The following CIB4 variants were observed in gnomAD, a reference collection of about 807,000 sequenced individuals.
The protein encoded by CIB4 is calcium and integrin-binding family member 4.
A neutral mutation model predicts 25.8 loss-of-function variants in CIB4; 25 were observed. The ratio of observed to expected loss-of-function variants is 0.97; its 90% confidence interval spans 0.71 to 1.35. CIB4 has a LOEUF of 1.35. CIB4 is among the 40% of genes most tolerant of loss of function. CIB4 has a pLI of 0.00. For synonymous variants in CIB4, 75 were observed against 81.4 expected (o/e 0.92, Z 0.42); for missense variants, 235 against 228.2 (o/e 1.03, Z -0.19).
At chr2:26,632,509 C>T (rs893158151) in intron 2 of CIB4, among the ~76,000 whole-genome samples, 2 of 152,094 alleles carry the variant, frequency 1.3e-5, no homozygotes, top group African/African-American at 4.8e-5. Flanking sequence ...GTAATCCCAG[C>T]ACTATGGGAG....
chr2:26,582,595 C>T lies in CIB4; in HGVS notation c.527+230G>A, dbSNP rs114757839. Among the ~76,000 whole-genome samples, 82 of 152,330 alleles carry T rather than the reference C, an allele frequency of 5.4e-4. 1 individual carries two copies. Among genetic ancestry groups the T allele is most frequent in the African/African-American group, 1.9e-3 (78 of 41,578 alleles). On this transcript the variant is annotated intron_variant, in intron 6 of 6. Coordinates refer to ENST00000288861, the MANE Select transcript of CIB4 (RefSeq NM_001029881.3). ...TGCTCTGAGGTTGGAGCTGTGACGT[C>T]ATTCCCAAAGCCTGGGATCCAGTCC...
chr2:26,631,597 C>T (rs1207793722), intron 2 of CIB4, among the ~76,000 whole-genome samples: 2 of 152,226 alleles, frequency 1.3e-5, no homozygotes, highest in Admixed American at 6.5e-5. Context: ...GCCTCGCACC[C>T]TGCCAGCCAC....
At chr2:26,604,577 A>G (rs890719880) in intron 3 of CIB4, among the ~76,000 whole-genome samples, 4 of 152,126 alleles carry the variant, frequency 2.6e-5, no homozygotes, top group African/African-American at 9.7e-5. Flanking sequence ...CAGCAAAAAT[A>G]CCTTTCCAAT....
intron 2 of CIB4, among the ~76,000 whole-genome samples, chr2:26,630,008 C>G (rs1166748552): frequency 6.6e-6 from 1 of 152,204 alleles, no homozygotes; most frequent in Non-Finnish European, 1.5e-5. Context: ...CTGCCTGCAG[C>G]CAGCAAACCA....
chr2:26,633,037 C>T (rs1558575092), intron 2 of CIB4, among the ~76,000 whole-genome samples: 2 of 152,046 alleles, frequency 1.3e-5, no homozygotes, highest in South Asian at 4.2e-4. Context: ...GGACATTCTG[C>T]ATGTTTCATG....
intron 3 of CIB4, among the ~76,000 whole-genome samples, chr2:26,618,198 C>T (rs1295296781): frequency 6.6e-6 from 1 of 152,202 alleles, no homozygotes; most frequent in Admixed American, 6.5e-5. Flanking sequence ...ACACCCTCCA[C>T]ATGTGCCATA....
At chr2:26,618,831 A>G (rs1669146287) in intron 3 of CIB4, among the ~76,000 whole-genome samples, 1 of 152,172 alleles carries the variant, frequency 6.6e-6, no homozygotes. Context: ...CTCAGCTCCT[A>G]AGAAGTGGGA....
In CIB4 at chr2:26,601,226, AAAAAAATAT is replaced by A. The variant is rs1288592240; in HGVS notation, c.187-5918_187-5910del. Among the ~76,000 whole-genome samples the A allele has an allele frequency of 9.1e-3, 520 of 57,152 alleles. 14 individuals carry two copies. The highest frequency in any genetic ancestry group is 0.012 in the Admixed American group (55 of 4,660). The allele number at this position is 57,152 out of a possible 152,430, so 37.5% of individuals were successfully genotyped here. On this transcript the variant is annotated intron_variant, in intron 3 of 6. Coordinates refer to ENST00000288861, the MANE Select transcript of CIB4 (RefSeq NM_001029881.3). ...CAGAGTGAGACCATGTCAAAAAAAAAAAAAAATATATATATATATATATATATATATATA... is the reference window on the plus strand; with the variant it reads ...CAGAGTGAGACCATGTCAAAAAAAAAATATATATATATATATATATATATA...
At chr2:26,634,296 G>C (rs1306996572) in intron 2 of CIB4, among the ~76,000 whole-genome samples, 1 of 152,160 alleles carries the variant, frequency 6.6e-6, no homozygotes, top group African/African-American at 2.4e-5. Context: ...CCTGCAGATA[G>C]TAGATATTTT....
intron 3 of CIB4, among the ~76,000 whole-genome samples, chr2:26,618,293 T>C (rs1218599482): frequency 6.6e-6 from 1 of 152,072 alleles, no homozygotes; most frequent in Non-Finnish European, 1.5e-5. Flanking sequence ...GGACTGTCTT[T>C]CCTTTTCTTT....
intron 4 of CIB4, among the ~76,000 whole-genome samples, chr2:26,591,905 G>A (rs1033132781): frequency 2.6e-5 from 4 of 152,200 alleles, no homozygotes; most frequent in Admixed American, 1.3e-4. Flanking sequence ...TGCCAACAAC[G>A]TGGGCAAGCT....
intron 4 of CIB4, among the ~76,000 whole-genome samples, 175 bp from the exon 5 acceptor site, chr2:26,584,073 C>T (rs565225314): frequency 6.6e-6 from 1 of 152,296 alleles, no homozygotes; most frequent in East Asian, 1.9e-4. Flanking sequence ...TGCTAAATAA[C>T]CCGTCGGAAA....
chr2:26,585,873 G>T (rs537611609), intron 4 of CIB4, among the ~76,000 whole-genome samples: 1 of 151,804 alleles, frequency 6.6e-6, no homozygotes, highest in African/African-American at 2.4e-5. Context: ...CCCCTCCCCA[G>T]CCCTTACCTC....
chr2:26,632,135 C>T (rs986544524), intron 2 of CIB4, among the ~76,000 whole-genome samples: 6 of 152,224 alleles, frequency 3.9e-5, no homozygotes, highest in Non-Finnish European at 5.9e-5. Flanking sequence ...AGCACGCAGG[C>T]CCAGGTTCAT....
chr2:26,590,032 C>G (rs1279611841), intron 4 of CIB4, among the ~76,000 whole-genome samples: 1 of 152,102 alleles, frequency 6.6e-6, no homozygotes, highest in Non-Finnish European at 1.5e-5. Flanking sequence ...GCCATTGCCC[C>G]AACTCTGGAC....
intron 3 of CIB4, among the ~76,000 whole-genome samples, chr2:26,596,372 T>G (rs1226990019): frequency 1.3e-5 from 2 of 152,118 alleles, no homozygotes. Flanking sequence ...GGTACTGCAG[T>G]CAGGAAGGTA....
In CIB4 at chr2:26,631,613, G is replaced by C. The variant is rs914229017; in HGVS notation, c.90-2107C>G. On this transcript the variant is annotated intron_variant, in intron 2 of 6. Coordinates refer to ENST00000288861, the MANE Select transcript of CIB4 (RefSeq NM_001029881.3). The stretch of plus-strand genomic sequence containing the variant: ...CCTCGCACCCTGCCAGCCACTCACT[G>C]TTTCACATCTCACTGACTAGAAAAA... Among the ~76,000 whole-genome samples the C allele has an allele frequency of 5.3e-5, 8 of 152,190 alleles. No individual in the cohort carries two copies. The South Asian group carries it at 1.4e-3, about 28-fold the overall frequency.
intron 3 of CIB4, among the ~76,000 whole-genome samples, chr2:26,614,523 G>A (rs544350480): frequency 6.6e-6 from 1 of 152,334 alleles, no homozygotes; most frequent in South Asian, 2.1e-4. Context: ...TCAGACACAT[G>A]AACAGTTTTC....
chr2:26,631,594 A>G (rs1572572671), intron 2 of CIB4, among the ~76,000 whole-genome samples: 1 of 152,132 alleles, frequency 6.6e-6, no homozygotes, highest in Admixed American at 6.5e-5. Context: ...GAGGCCTCGC[A>G]CCCTGCCAGC....
Sources: allele counts gnomAD v4.1 joint callset (sites outside exome capture counted in the v4.1 genomes callset), GRCh38; gene constraint gnomAD v4.1.1; transcripts MANE v1.5; gene names NCBI Gene and HGNC (gene_info 2026-07-23, HGNC 2026-07-21).